Variants in TM9SF2 observed in about 807,000 individuals in gnomAD.
TM9SF2 encodes the protein transmembrane 9 superfamily member 2.
A neutral mutation model predicts 84.9 loss-of-function variants in TM9SF2; 13 were observed. The observed-to-expected ratio is 0.15, with a 90% CI of 0.10 to 0.24. TM9SF2 has a LOEUF of 0.24. Among genes scored for constraint, TM9SF2 ranks in the 10% least tolerant of loss-of-function variants. The probability of loss-of-function intolerance (pLI) is 1.00; values close to 1 mark genes in which losing one functional copy is unlikely to be tolerated. For synonymous variants in TM9SF2, 273 were observed against 285.8 expected (o/e 0.96, Z 0.45); for missense variants, 562 against 818.5 (o/e 0.69, Z 3.82).
At chr13:99,512,222 T>G (rs771167331) in intron 1 of TM9SF2, among the ~76,000 whole-genome samples, 19 of 152,236 alleles carry the variant, frequency 1.2e-4, no homozygotes, top group Admixed American at 2.6e-4. Context: ...AGCTGCTATG[T>G]TTATTATTTG....
At position 99,552,207 on chromosome 13, in the gene TM9SF2, T is replaced by G; in HGVS notation, c.1369T>G (p.Trp457Gly). 1 of 1,614,170 alleles carries G rather than the reference T, an allele frequency of 6.2e-7. No individual in the cohort carries two copies. Residue 457 changes from tryptophan (W) to glycine (G), a missense_variant, in exon 13 of 17, where the codon TGG becomes GGG. This residue lies in a region of TM9SF2 where 219 missense variants were observed against 338.1 expected (regional missense o/e 0.65). Coordinates refer to ENST00000376387, the MANE Select transcript of TM9SF2 (RefSeq NM_004800.3). ...CTTCTTTATAATGAATCTGATCCTC[T>G]GGGGAGAAGGATCTTCAGCAGCTAT... is the stretch of plus-strand genomic sequence containing the variant. ...ADFFIMNLIL[W>G]GEGSSAAIPF... is the part of the protein sequence containing the mutation.
intron 1 of TM9SF2, among the ~76,000 whole-genome samples, chr13:99,507,800 T>C (rs1271765778): frequency 6.6e-6 from 1 of 152,234 alleles, no homozygotes; most frequent in Non-Finnish European, 1.5e-5. Flanking sequence ...GCCATGACCC[T>C]TGTACAGTCA....
intron 11 of TM9SF2, among the ~76,000 whole-genome samples, chr13:99,547,623 A>AT (rs2046288338): frequency 6.6e-6 from 1 of 152,218 alleles, no homozygotes; most frequent in Admixed American, 6.5e-5. Context: ...TTGTAATATC[A>AT]TTAGTCACAA....
At chr13:99,550,693 CATAA>C (rs1387152263) in intron 12 of TM9SF2, among the ~76,000 whole-genome samples, 1 of 152,152 alleles carries the variant, frequency 6.6e-6, no homozygotes, top group African/African-American at 2.4e-5. Flanking sequence ...TACAATTCTA[CATAA>C]ATAAACACCT....
chr13:99,507,283 T>A (rs1441924490), intron 1 of TM9SF2, among the ~76,000 whole-genome samples: 1 of 152,222 alleles, frequency 6.6e-6, no homozygotes, highest in Non-Finnish European at 1.5e-5. Flanking sequence ...TTGTTTGCCT[T>A]TCCCCTGGGG....
intron 1 of TM9SF2, among the ~76,000 whole-genome samples, chr13:99,502,406 T>C (rs1594041432): frequency 6.6e-6 from 1 of 152,202 alleles, no homozygotes; most frequent in Non-Finnish European, 1.5e-5. Flanking sequence ...GTTGCTGTAA[T>C]GGTTGAGGCA....
At chr13:99,542,656 T>A (rs1242369187) in intron 9 of TM9SF2, among the ~76,000 whole-genome samples, 1 of 152,164 alleles carries the variant, frequency 6.6e-6, no homozygotes, top group African/African-American at 2.4e-5. Context: ...TGAATATTCA[T>A]AAGCTTTTAA....
intron 15 of TM9SF2, among the ~76,000 whole-genome samples, chr13:99,556,113 G>A (rs1396543404): frequency 6.6e-6 from 1 of 152,126 alleles, no homozygotes; most frequent in African/African-American, 2.4e-5. Flanking sequence ...CAAAATGATA[G>A]TATCCTTATG....
intron 4 of TM9SF2, among the ~76,000 whole-genome samples, chr13:99,535,329 A>G (rs1047228227): frequency 2.0e-5 from 3 of 152,170 alleles, no homozygotes; most frequent in South Asian, 2.1e-4. Context: ...TGTAACTAGC[A>G]CTATAATTTT....
chr13:99,511,063 A>T (rs894622185), intron 1 of TM9SF2, among the ~76,000 whole-genome samples: 1 of 151,912 alleles, frequency 6.6e-6, no homozygotes, highest in African/African-American at 2.4e-5. Context: ...TTCCACCCTA[A>T]ATTTTACTTT....
intron 4 of TM9SF2, among the ~76,000 whole-genome samples, chr13:99,534,348 A>G (rs1566568582): frequency 6.6e-6 from 1 of 152,230 alleles, no homozygotes; most frequent in Non-Finnish European, 1.5e-5. Flanking sequence ...TCAAAAATTC[A>G]AAATCCTAAT....
intron 7 of TM9SF2, chr13:99,540,495 CTTTTT>C (rs201378003): frequency 1.6e-3 from 222 of 141,150 alleles, no homozygotes; most frequent in Middle Eastern, 8.8e-3. Flanking sequence ...ACTAGGAATT[CTTTTT>C]TTTTTTTTTT....
chr13:99,559,264 G>T, intron 15 of TM9SF2, 99 bp from the exon 16 acceptor site: 1 of 989,438 alleles, frequency 1.0e-6, no homozygotes, highest in South Asian at 2.1e-5. Flanking sequence ...AATTAGATTG[G>T]GGGCTGTCTC....
At chr13:99,560,062 A>G (rs2046337979) in intron 16 of TM9SF2, among the ~76,000 whole-genome samples, 2 of 152,148 alleles carry the variant, frequency 1.3e-5, no homozygotes, top group South Asian at 2.1e-4. Context: ...ATATATGTAT[A>G]TATCTTCTCT....
chr13:99,506,563 A>C (rs984826731), intron 1 of TM9SF2, among the ~76,000 whole-genome samples: 4 of 152,212 alleles, frequency 2.6e-5, no homozygotes, highest in Non-Finnish European at 5.9e-5. Flanking sequence ...TTTTTAAGTA[A>C]AATTAAGACT....
intron 11 of TM9SF2, among the ~76,000 whole-genome samples, chr13:99,547,767 C>G (rs570653363): frequency 6.6e-6 from 1 of 152,286 alleles, no homozygotes; most frequent in South Asian, 2.1e-4. Flanking sequence ...CCAGAGCTGG[C>G]CTCCTCGGGA....
intron 3 of TM9SF2, 81 bp from the exon 4 acceptor site, chr13:99,529,386 C>T: frequency 1.6e-6 from 2 of 1,287,922 alleles, no homozygotes; most frequent in Non-Finnish European, 1.0e-6. Context: ...ATGGGACCAG[C>T]ACTTTTACTC....
At chr13:99,505,152 CTTT>C (rs35156746) in intron 1 of TM9SF2, among the ~76,000 whole-genome samples, 2 of 135,026 alleles carry the variant, frequency 1.5e-5, no homozygotes, top group Non-Finnish European at 3.1e-5. Flanking sequence ...GTCCCTAAGA[CTTT>C]TTTTTTTTTT....
chr13:99,542,113 T>TCCAGCCTG (rs2046262678), intron 9 of TM9SF2, among the ~76,000 whole-genome samples: 2 of 147,980 alleles, frequency 1.4e-5, no homozygotes, highest in Non-Finnish European at 3.0e-5. Flanking sequence ...ATCGTGCCAC[T>TCCAGCCTG]GCACTCCAGC....
Sources: gnomAD v4.1 joint callset for allele counts (sites outside exome capture counted in the v4.1 genomes callset) on GRCh38, gnomAD v4.1.1 for gene constraint, gnomAD v4.1.1 regional missense constraint, MANE v1.5 for transcripts, NCBI Gene and HGNC (gene_info 2026-07-23, HGNC 2026-07-21) for gene names.